The following SRGAP1 variants were observed in gnomAD, a reference collection of about 807,000 sequenced individuals.
SRGAP1 encodes SLIT-ROBO Rho GTPase activating protein 1, also known as SLIT-ROBO Rho GTPase-activating protein 1.
A neutral mutation model predicts 121.9 loss-of-function variants in SRGAP1; 43 were observed. The ratio of observed to expected loss-of-function variants is 0.35; its 90% confidence interval spans 0.28 to 0.46. The LOEUF (loss-of-function observed/expected upper bound fraction) is 0.46. Ranked by LOEUF, SRGAP1 falls within the 20% of genes least tolerant of loss-of-function variation. SRGAP1 has a pLI of 1.00. For missense variants in SRGAP1, 1,102 were observed against 1,350.9 expected (o/e 0.82, Z 2.89); for synonymous variants, 447 against 485.4 (o/e 0.92, Z 1.04).
At chr12:63,869,819 T>C (rs1264493429) in intron 1 of SRGAP1, among the ~76,000 whole-genome samples, 1 of 152,216 alleles carries the variant, frequency 6.6e-6, no homozygotes, top group Admixed American at 6.5e-5. Flanking sequence ...ACAATATGAA[T>C]GTTGCCTGGG....
rs1565940184 is a variant in SRGAP1, at chr12:63,895,120, C to T, written c.67+50237C>T. ...CAATGTAAAAGTGTTCCTATTTCTG[C>T]ACATCCTCTCCAGCACCTGTTGTTT... On this transcript the variant is annotated intron_variant, in intron 1 of 21. Coordinates refer to ENST00000355086, the MANE Select transcript of SRGAP1 (RefSeq NM_020762.4). Among the ~76,000 whole-genome samples, 7 of 152,326 alleles carry T rather than the reference C, an allele frequency of 4.6e-5. No individual in the cohort carries two copies. In the South Asian group the frequency reaches 1.5e-3, roughly 32 times the overall value.
chr12:64,065,815 A>G (rs956814127), intron 8 of SRGAP1, among the ~76,000 whole-genome samples: 2 of 152,228 alleles, frequency 1.3e-5, no homozygotes, highest in Non-Finnish European at 2.9e-5. Flanking sequence ...ACATGGCATT[A>G]CTGATATAAT....
At chr12:64,059,491 G>A (rs776882677) in intron 6 of SRGAP1, among the ~76,000 whole-genome samples, 2 of 151,652 alleles carry the variant, frequency 1.3e-5, no homozygotes, top group South Asian at 2.1e-4. Context: ...TTTAAGTCCC[G>A]TTGGAATCAA....
rs529528728 is a variant in SRGAP1, at chr12:64,059,305, A to C, written c.802-3612A>C. 3.0e-4 allele frequency among the ~76,000 whole-genome samples: 46 copies of C among 152,328 alleles called. No individual in the cohort carries two copies. The South Asian group carries it at 9.1e-3, about 30-fold the overall frequency. Reference sequence around the variant, plus strand: ...CTAAGTCTCGGAATAATGAAAATTTAGTATGTATTTTTCAGAGCTCCAAGT... The same window carrying C: ...CTAAGTCTCGGAATAATGAAAATTTCGTATGTATTTTTCAGAGCTCCAAGT... On this transcript the variant is annotated intron_variant, in intron 6 of 21. Transcript: ENST00000355086.
rs2038004167 is a variant in SRGAP1 at position 64,151,689 on chromosome 12, A to G, written c.*9017A>G. 6.6e-6 allele frequency: 1 copy of G among 152,204 alleles called. No individual in the cohort carries two copies. The highest frequency in any genetic ancestry group is 2.1e-4 in the South Asian group (1 of 4,832). 9.4% of individuals were successfully genotyped at this position (152,204 alleles called of 1,614,324 possible). ...GTGTACTAGGTGAGTGATAGGCTCA[A>G]TGCAAATTCTTAGCAGTTTGTTAAT... On this transcript the variant is annotated 3_prime_UTR_variant, in exon 22 of 22. Transcript: ENST00000355086.
In SRGAP1 at chr12:64,091,413, A is replaced by T. The variant is rs1459966269; in HGVS notation, c.1539+35A>T. 2.0e-6 allele frequency: 3 copies of T among 1,492,650 alleles called. No homozygotes were observed. The Admixed American group carries it at 5.1e-5, about 25-fold the overall frequency. The allele number at this position is 1,492,650 out of a possible 1,614,324, so 92.5% of individuals were successfully genotyped here. On this transcript the variant is annotated intron_variant, in intron 12 of 21. Transcript: ENST00000355086. Reference sequence around the variant, plus strand: ...CCAGCCATCTGGGTGGCTGATCTCCATGCTTCTTACTATAATGGTCTCAGC... The same window carrying T: ...CCAGCCATCTGGGTGGCTGATCTCCTTGCTTCTTACTATAATGGTCTCAGC...
chr12:64,091,389 C>T lies in SRGAP1; in HGVS notation c.1539+11C>T. 1 of 1,588,818 alleles carries T rather than the reference C, an allele frequency of 6.3e-7. No individual in the cohort carries two copies. Among genetic ancestry groups the T allele is most frequent in the African/African-American group, 1.3e-5 (1 of 74,532 alleles). On this transcript the variant is annotated intron_variant, in intron 12 of 21. Transcript: ENST00000355086. ...GAAACATTCGTCAAGGTACTGGCAC[C>T]AGCCATCTGGGTGGCTGATCTCCAT...
intron 1 of SRGAP1, among the ~76,000 whole-genome samples, chr12:63,875,015 C>A (rs11175197): frequency 0.3 from 45,478 of 151,962 alleles, 7,974 homozygotes; most frequent in East Asian, 0.55. Context: ...TCCTGGGCTC[C>A]AAGGGCCCTC....
chr12:64,023,204 C>CAAAA (rs11312893), intron 4 of SRGAP1, among the ~76,000 whole-genome samples: 30 of 77,056 alleles, frequency 3.9e-4, no homozygotes, highest in Middle Eastern at 0.012. Flanking sequence ...ACTTTTGTAC[C>CAAAA]AAAAAAAAAA....
chr12:64,009,315 A>G (rs1744497259), intron 3 of SRGAP1, among the ~76,000 whole-genome samples: 1 of 152,150 alleles, frequency 6.6e-6, no homozygotes, highest in African/African-American at 2.4e-5. Context: ...GTGACACTGA[A>G]AAGGTGTTTC....
chr12:63,865,710 G>A (rs1899605534), intron 1 of SRGAP1, among the ~76,000 whole-genome samples: 1 of 152,204 alleles, frequency 6.6e-6, no homozygotes, highest in South Asian at 2.1e-4. Context: ...CTATTGTCAT[G>A]GAGAAGAATT....
At chr12:64,068,104 C>A (rs1221285491) in intron 8 of SRGAP1, among the ~76,000 whole-genome samples, 3 of 151,692 alleles carry the variant, frequency 2.0e-5, no homozygotes. Context: ...CGTGGTGAAA[C>A]CCCGTCTCTA....
In SRGAP1 at chr12:63,985,280, A is replaced by G. The variant is rs148574893; in HGVS notation, c.263+1138A>G. Among the ~76,000 whole-genome samples, 522 of 152,276 alleles carry G rather than the reference A, an allele frequency of 3.4e-3. 4 individuals are homozygous for G. Among genetic ancestry groups the G allele is most frequent in the African/African-American group, 0.012 (493 of 41,556 alleles). On this transcript the variant is annotated intron_variant, in intron 2 of 21. Transcript: ENST00000355086. ...CATCATGGGCAAGGGGCCGGCAGGG[A>G]ATGTACCACGCCTGGCTAAGGGATG...
In SRGAP1 at chr12:63,903,073, A is replaced by G. The variant is rs552748587; in HGVS notation, c.67+58190A>G. Among the ~76,000 whole-genome samples, 335 of 152,270 alleles carry G rather than the reference A, an allele frequency of 2.2e-3. 3 individuals carry two copies. Among genetic ancestry groups the G allele is most frequent in the African/African-American group, 7.6e-3 (317 of 41,552 alleles). ...ACTAGGATTAAACTATTATATATAT[A>G]TATATAAAGTGTGTGTGTATGTGTG... On this transcript the variant is annotated intron_variant, in intron 1 of 21. Coordinates refer to ENST00000355086, the MANE Select transcript of SRGAP1 (RefSeq NM_020762.4).
At chr12:63,887,505 G>A (rs1332209693) in intron 1 of SRGAP1, 1 of 152,224 alleles carries the variant, frequency 6.6e-6, no homozygotes, top group Admixed American at 6.5e-5. Flanking sequence ...CAAGTCTGAG[G>A]GGAAGGGTGG....
chr12:64,103,399 A>G (rs1023372991), intron 15 of SRGAP1, among the ~76,000 whole-genome samples: 24 of 152,198 alleles, frequency 1.6e-4, no homozygotes, highest in Admixed American at 1.4e-3. Flanking sequence ...TTTCTATTTT[A>G]TGTAACAAAT....
Position 64,147,539 on chromosome 12 carries a change from C to A in SRGAP1, c.*4867C>A. The A allele has an allele frequency of 2.5e-6, 1 of 399,006 alleles. No homozygotes were observed. Among genetic ancestry groups the A allele is most frequent in the Non-Finnish European group, 4.4e-6 (1 of 226,360 alleles). The allele number at this position is 399,006 out of a possible 1,614,324, so 24.7% of individuals were successfully genotyped here. ...TGTAGACGTGATTGTGCCTTTCTCA[C>A]CCCTGTGTCCTCCCATCCCACCGCA... On this transcript the variant is annotated 3_prime_UTR_variant, in exon 22 of 22. Transcript: ENST00000355086.
intron 3 of SRGAP1, among the ~76,000 whole-genome samples, chr12:64,006,893 A>G (rs2034102185): frequency 6.6e-6 from 1 of 152,158 alleles, no homozygotes; most frequent in Admixed American, 6.5e-5. Flanking sequence ...AGTCCATCCT[A>G]TTCAGATTTT....
At chr12:64,028,093 T>C (rs898528146) in intron 4 of SRGAP1, among the ~76,000 whole-genome samples, 1 of 152,248 alleles carries the variant, frequency 6.6e-6, no homozygotes, top group African/African-American at 2.4e-5. Flanking sequence ...TTTGGTGGGC[T>C]TTCATTATGC....
Sources: allele counts gnomAD v4.1 joint callset (sites outside exome capture counted in the v4.1 genomes callset), GRCh38; gene constraint gnomAD v4.1.1; transcripts MANE v1.5; gene names NCBI Gene and HGNC (gene_info 2026-07-23, HGNC 2026-07-21).